Variants in PALM2AKAP2 observed in about 807,000 individuals in gnomAD.
PALM2AKAP2 encodes PALM2-AKAP2 fusion protein.
PALM2AKAP2 carries 37 observed loss-of-function variants against 71.5 expected under a neutral mutation model. The ratio of observed to expected loss-of-function variants is 0.52; its 90% CI spans 0.40 to 0.68. PALM2AKAP2 has a LOEUF of 0.68. Among genes scored for constraint, PALM2AKAP2 ranks in the 30% least tolerant of loss-of-function variants. The pLI is 0.00. For missense variants in PALM2AKAP2, 1,224 were observed against 1,191.8 expected (o/e 1.03, Z -0.40); for synonymous variants, 468 against 478.8 (o/e 0.98, Z 0.29).
chr9:109,706,513 T>G (rs1323339864), intron 1 of PALM2AKAP2, among the ~76,000 whole-genome samples: 1 of 152,196 alleles, frequency 6.6e-6, no homozygotes, highest in East Asian at 1.9e-4. Flanking sequence ...CACAAAATGC[T>G]AAACATAGAG....
intron 1 of PALM2AKAP2, among the ~76,000 whole-genome samples, chr9:110,134,304 C>G (rs1588127633): frequency 6.6e-6 from 1 of 151,416 alleles, no homozygotes; most frequent in African/African-American, 2.4e-5. Flanking sequence ...AAGGTGGTGG[C>G]AAAAACTACT....
In PALM2AKAP2 at chr9:109,675,249, T is replaced by C. The variant is rs1006271423; in HGVS notation, c.5+34383T>C. ...ATAGAAAACTTATCATGTTCAAATTTGGTGGGTGAATGCAAGCCCACTGCT... is the reference window on the plus strand; with the variant it reads ...ATAGAAAACTTATCATGTTCAAATTCGGTGGGTGAATGCAAGCCCACTGCT... On this transcript the variant is annotated intron_variant, in intron 1 of 6. Coordinates refer to the PALM2AKAP2 transcript ENST00000374531. Among the ~76,000 whole-genome samples the C allele has an allele frequency of 3.9e-5, 6 of 152,178 alleles. No individual in the cohort carries two copies. The East Asian group carries it at 9.6e-4, about 24-fold the overall frequency.
At chr9:109,789,025 G>C (rs1192030951) in intron 1 of PALM2AKAP2, among the ~76,000 whole-genome samples, 1 of 152,222 alleles carries the variant, frequency 6.6e-6, no homozygotes, top group East Asian at 1.9e-4. Flanking sequence ...AATAAAGTGA[G>C]ATATCTGTTG....
chr9:109,680,344 T>C (rs1386913584), intron 1 of PALM2AKAP2, among the ~76,000 whole-genome samples: 1 of 152,212 alleles, frequency 6.6e-6, no homozygotes, highest in Non-Finnish European at 1.5e-5. Flanking sequence ...ACGAGGTGTA[T>C]AGATGAGTGA....
Position 109,999,290 on chromosome 9 carries a change from G to A in PALM2AKAP2, c.497-16664G>A, listed in dbSNP as rs138450495. ...GGAGGTGGAGATTACAGTGAGCCAAGATCACACCAAGATCACACCACTGCA... is the reference window on the plus strand; with the variant it reads ...GGAGGTGGAGATTACAGTGAGCCAAAATCACACCAAGATCACACCACTGCA... On this transcript the variant is annotated intron_variant, in intron 6 of 9. Transcript: ENST00000302798. 9.4e-3 allele frequency among the ~76,000 whole-genome samples: 1,426 copies of A among 151,884 alleles called. 22 individuals are homozygous for A. The highest frequency in any genetic ancestry group is 0.033 in the African/African-American group (1,376 of 41,382).
intron 1 of PALM2AKAP2, among the ~76,000 whole-genome samples, chr9:109,689,306 G>A (rs1827849075): frequency 6.6e-6 from 1 of 150,448 alleles, no homozygotes; most frequent in Non-Finnish European, 1.5e-5. Flanking sequence ...GGGTTCAAGC[G>A]ATTCTCCTGC....
chr9:109,701,736 T>A (rs1828063074), intron 1 of PALM2AKAP2, among the ~76,000 whole-genome samples: 2 of 152,162 alleles, frequency 1.3e-5, no homozygotes, highest in South Asian at 2.1e-4. Flanking sequence ...AAGCCAAAAT[T>A]GACAAATGGG....
intron 3 of PALM2AKAP2, among the ~76,000 whole-genome samples, chr9:109,907,988 G>T (rs1331929347): frequency 6.6e-6 from 1 of 152,170 alleles, no homozygotes. Flanking sequence ...AAGGTCAGAG[G>T]TGCTGTTTAT....
intron 1 of PALM2AKAP2, among the ~76,000 whole-genome samples, chr9:110,104,064 C>A (rs186646000): frequency 5.5e-4 from 83 of 152,052 alleles, no homozygotes; most frequent in African/African-American, 1.8e-3. Context: ...CTATTGAGTG[C>A]CCCCCAGGGA....
At chr9:109,944,518 A>G (rs367872715) in intron 6 of PALM2AKAP2, 4 of 152,148 alleles carry the variant, frequency 2.6e-5, no homozygotes, top group East Asian at 1.9e-4. Context: ...CCCATGAGAA[A>G]GAGAATGTTT....
chr9:109,672,511 G>A (rs187444184), intron 1 of PALM2AKAP2, among the ~76,000 whole-genome samples: 15 of 152,076 alleles, frequency 9.9e-5, no homozygotes, highest in East Asian at 1.9e-4. Flanking sequence ...TGCCAGTATC[G>A]TGTTGAGGAT....
At chr9:110,121,583 C>A (rs1564316454) in intron 1 of PALM2AKAP2, among the ~76,000 whole-genome samples, 1 of 152,196 alleles carries the variant, frequency 6.6e-6, no homozygotes, top group Non-Finnish European at 1.5e-5. Flanking sequence ...TTGAAGCCAG[C>A]CTCTCTACCC....
intron 1 of PALM2AKAP2, among the ~76,000 whole-genome samples, chr9:109,818,195 T>G (rs1338203902): frequency 6.6e-6 from 1 of 152,234 alleles, no homozygotes; most frequent in Non-Finnish European, 1.5e-5. Context: ...AGAAAAGGTA[T>G]AAATAAGCCT....
At chr9:109,751,535 G>C (rs1828885937) in intron 1 of PALM2AKAP2, among the ~76,000 whole-genome samples, 1 of 152,160 alleles carries the variant, frequency 6.6e-6, no homozygotes, top group Non-Finnish European at 1.5e-5. Context: ...ACTCCTAAAA[G>C]TCATATGTAC....
chr9:110,060,935 G>C (rs1223363221), intron 1 of PALM2AKAP2, among the ~76,000 whole-genome samples: 1 of 152,162 alleles, frequency 6.6e-6, no homozygotes, highest in Admixed American at 6.5e-5. Context: ...CTTGTAAGCT[G>C]TCTGAAGGTC....
At chr9:109,934,450 A>G (rs1395598662) in intron 6 of PALM2AKAP2, among the ~76,000 whole-genome samples, 1 of 152,118 alleles carries the variant, frequency 6.6e-6, no homozygotes, top group Non-Finnish European at 1.5e-5. Flanking sequence ...TCCTCACTCT[A>G]AATCCCCTTT....
intron 1 of PALM2AKAP2, among the ~76,000 whole-genome samples, chr9:110,064,937 A>C (rs1046806613): frequency 6.6e-6 from 1 of 152,094 alleles, no homozygotes; most frequent in Non-Finnish European, 1.5e-5. Flanking sequence ...CTTTCTTGGG[A>C]GTTTGATGTT....
chr9:109,760,314 A>C (rs1829031535), intron 1 of PALM2AKAP2: 1 of 152,176 alleles, frequency 6.6e-6, no homozygotes, highest in South Asian at 2.1e-4. Flanking sequence ...AAAGAGGAAA[A>C]GGGAGGGAGA....
At position 109,685,278 on chromosome 9, in the gene PALM2AKAP2, C is replaced by A. The variant is rs146451893; in HGVS notation, c.5+44412C>A. On this transcript the variant is annotated intron_variant, in intron 1 of 6. Transcript: ENST00000374531. ...ATACCGTGTATGTCATTGAACTGGA[C>A]ACTTAAAATATATGAATTTCATTTT... 1.2e-3 allele frequency among the ~76,000 whole-genome samples: 177 copies of A among 152,184 alleles called. 1 individual carries two copies. Among genetic ancestry groups the A allele is most frequent in the African/African-American group, 4.0e-3 (166 of 41,532 alleles).
Sources: gnomAD v4.1 joint callset for allele counts (sites outside exome capture counted in the v4.1 genomes callset) on GRCh38, gnomAD v4.1.1 for gene constraint, MANE v1.5 for transcripts, NCBI Gene and HGNC (gene_info 2026-07-23, HGNC 2026-07-21) for gene names.